Variants in RIMS2 observed in about 807,000 individuals in gnomAD.
RIMS2 encodes the protein regulating synaptic membrane exocytosis protein 2.
RIMS2 carries 59 observed loss-of-function variants against 174.4 expected under a neutral mutation model. The observed-to-expected ratio is 0.34, with a 90% CI of 0.27 to 0.42. The LOEUF (loss-of-function observed/expected upper bound fraction) is 0.42. RIMS2 is among the 10% of genes least tolerant of loss of function. RIMS2 has a pLI of 1.00. For synonymous variants in RIMS2, 606 were observed against 572.5 expected (o/e 1.06, Z -0.84); for missense variants, 1,620 against 1,666.3 (o/e 0.97, Z 0.48).
At chr8:104,196,431 T>TA (rs1280403664) in intron 19 of RIMS2, among the ~76,000 whole-genome samples, 2 of 152,168 alleles carry the variant, frequency 1.3e-5, no homozygotes, top group Non-Finnish European at 2.9e-5. Flanking sequence ...TTAAGCTTTT[T>TA]ATGTAGAGTT....
intron 1 of RIMS2, among the ~76,000 whole-genome samples, chr8:103,609,055 G>C (rs540700048): frequency 6.6e-6 from 1 of 152,252 alleles, no homozygotes; most frequent in South Asian, 2.1e-4. Flanking sequence ...TATCTGACTG[G>C]TGTGAGATGG....
chr8:103,840,393 T>C (rs2098932228), intron 3 of RIMS2, among the ~76,000 whole-genome samples: 1 of 150,918 alleles, frequency 6.6e-6, no homozygotes, highest in South Asian at 2.2e-4. Context: ...GTTCTATTTT[T>C]CCCACTAGTT....
At chr8:103,540,772 A>G (rs1239876255) in intron 1 of RIMS2, among the ~76,000 whole-genome samples, 1 of 152,218 alleles carries the variant, frequency 6.6e-6, no homozygotes, top group Non-Finnish European at 1.5e-5. Flanking sequence ...CAAGATCAAG[A>G]AAACAGCAAA....
At chr8:103,757,157 C>T (rs1472687290) in intron 2 of RIMS2, among the ~76,000 whole-genome samples, 1 of 151,986 alleles carries the variant, frequency 6.6e-6, no homozygotes, top group Non-Finnish European at 1.5e-5. Flanking sequence ...AATGCTCTTA[C>T]CTTTGATTCT....
intron 19 of RIMS2, among the ~76,000 whole-genome samples, chr8:104,128,885 G>A (rs1480003547): frequency 6.6e-6 from 1 of 151,992 alleles, no homozygotes; most frequent in African/African-American, 2.4e-5. Flanking sequence ...TTTGCAGGAG[G>A]AAAAAAATAT....
chr8:103,906,525 C>T (rs922630624), intron 4 of RIMS2, among the ~76,000 whole-genome samples: 3 of 152,162 alleles, frequency 2.0e-5, no homozygotes, highest in Non-Finnish European at 4.4e-5. Flanking sequence ...GGATTACAGG[C>T]GTGAGCCACT....
intron 19 of RIMS2, among the ~76,000 whole-genome samples, chr8:104,021,407 C>T (rs979336912): frequency 2.6e-5 from 4 of 152,074 alleles, no homozygotes; most frequent in Non-Finnish European, 4.4e-5. Flanking sequence ...ACCTATTTCA[C>T]GAGCTCCATG....
At position 103,792,398 on chromosome 8, in the gene RIMS2, A is replaced by C. The variant is rs761523805; in HGVS notation, c.698+25861A>C. ...TAAGAACAAAGAAACAATGTACCAG[A>C]ATCTCTGGGACACACTTAAAAGAGT... On this transcript the variant is annotated intron_variant, in intron 3 of 23. Coordinates refer to ENST00000504942, the Ensembl canonical transcript of RIMS2. 4.6e-5 allele frequency among the ~76,000 whole-genome samples: 7 copies of C among 152,306 alleles called. No homozygotes were observed. The East Asian group carries it at 1.4e-3, about 29-fold the overall frequency.
chr8:103,696,857 C>T (rs1285196704), intron 1 of RIMS2, among the ~76,000 whole-genome samples: 1 of 80,888 alleles, frequency 1.2e-5, no homozygotes, highest in Non-Finnish European at 2.3e-5. Flanking sequence ...AGCGAGACTT[C>T]GTCTCAAAAA....
At chr8:103,677,556 G>A (rs1473937801) in intron 1 of RIMS2, among the ~76,000 whole-genome samples, 13 of 152,112 alleles carry the variant, frequency 8.5e-5, no homozygotes, top group Admixed American at 8.5e-4. Context: ...CTTACCCACA[G>A]TCTCCAGTTT....
intron 20 of RIMS2, among the ~76,000 whole-genome samples, chr8:104,247,738 C>T (rs1159116233): frequency 6.6e-6 from 1 of 152,074 alleles, no homozygotes; most frequent in East Asian, 1.9e-4. Context: ...CAGTTTTAGA[C>T]AATTTGAGTT....
At chr8:104,016,701 A>G (rs1183802565) in intron 19 of RIMS2, among the ~76,000 whole-genome samples, 3 of 152,136 alleles carry the variant, frequency 2.0e-5, no homozygotes, top group Non-Finnish European at 4.4e-5. Flanking sequence ...ATTGGCATTT[A>G]AAGTCAGAAA....
chr8:103,816,108 A>G (rs1418965098), intron 3 of RIMS2, among the ~76,000 whole-genome samples: 2 of 152,182 alleles, frequency 1.3e-5, no homozygotes, highest in Non-Finnish European at 1.5e-5. Flanking sequence ...TTATCTATAA[A>G]CATTCTTTAT....
In RIMS2 at chr8:103,925,507, G is replaced by A. The variant is rs75510471; in HGVS notation, c.2197-2335G>A. ...TCTGAAAGTATTGTATGAAAGGAATGTTCTAAAGATAGTAGTGCAATTAAT... is the reference window on the plus strand; with the variant it reads ...TCTGAAAGTATTGTATGAAAGGAATATTCTAAAGATAGTAGTGCAATTAAT... On this transcript the variant is annotated intron_variant, in intron 10 of 23. Transcript: ENST00000504942. Among the ~76,000 whole-genome samples, 504 of 151,604 alleles carry A rather than the reference G, an allele frequency of 3.3e-3. 2 individuals are homozygous for A. The highest frequency in any genetic ancestry group is 0.012 in the African/African-American group (487 of 41,520).
intron 1 of RIMS2, among the ~76,000 whole-genome samples, chr8:103,602,252 A>G (rs199879406): frequency 2.6e-5 from 4 of 152,066 alleles, no homozygotes; most frequent in Non-Finnish European, 4.4e-5. Context: ...CTCCCAAAGT[A>G]CTGGGATTAC....
intron 1 of RIMS2, among the ~76,000 whole-genome samples, chr8:103,611,227 T>C (rs1226007337): frequency 1.3e-5 from 2 of 152,134 alleles, no homozygotes; most frequent in African/African-American, 4.8e-5. Context: ...TTCATTCCCC[T>C]GTTTTAAAAC....
intron 19 of RIMS2, among the ~76,000 whole-genome samples, chr8:104,158,209 C>T (rs111994508): frequency 6.6e-6 from 1 of 152,056 alleles, no homozygotes; most frequent in African/African-American, 2.4e-5. Context: ...CATCCATGTC[C>T]CTGCGAAGGA....
chr8:103,705,077 T>G (rs1116623), intron 2 of RIMS2, among the ~76,000 whole-genome samples: 123,219 of 151,810 alleles, frequency 0.81, 50,509 homozygotes, highest in African/African-American at 0.92. Flanking sequence ...CTTTTTTGAC[T>G]TAGCCATTTA....
chr8:103,732,582 G>T (rs1420436568), intron 2 of RIMS2, among the ~76,000 whole-genome samples: 1 of 152,108 alleles, frequency 6.6e-6, no homozygotes, highest in Admixed American at 6.5e-5. Flanking sequence ...TCATCTGGGA[G>T]CCAGGGCCTG....
Sources: gnomAD v4.1 joint callset for allele counts (sites outside exome capture counted in the v4.1 genomes callset) on GRCh38, gnomAD v4.1.1 for gene constraint, MANE v1.5 for transcripts, NCBI Gene and HGNC (gene_info 2026-07-23, HGNC 2026-07-21) for gene names.